Variants in TTLL5 observed in about 807,000 individuals in gnomAD.
TTLL5 encodes tubulin polyglutamylase TTLL5.
In TTLL5, 132 loss-of-function variants were observed where a neutral mutation model predicts 168.4. The observed-to-expected ratio is 0.78, with a 90% CI of 0.68 to 0.91. The LOEUF (loss-of-function observed/expected upper bound fraction) is 0.91, where lower values mean the gene tolerates loss of function less well. Among genes scored for constraint, TTLL5 ranks in the 40% least tolerant of loss-of-function variants. The pLI is 0.00. For missense variants in TTLL5, 1,545 were observed against 1,581.5 expected (o/e 0.98, Z 0.39); for synonymous variants, 546 against 558.6 (o/e 0.98, Z 0.32).
intron 28 of TTLL5, among the ~76,000 whole-genome samples, chr14:75,847,269 C>T (rs1896598080): frequency 6.6e-6 from 1 of 151,988 alleles, no homozygotes; most frequent in Non-Finnish European, 1.5e-5. Flanking sequence ...TTCCAAAGTT[C>T]TGGGATTACA....
rs1000394909 is a variant in TTLL5 at position 75,745,133 on chromosome 14, A to G, written c.1320A>G (p.Lys440=). 1 of 1,613,854 alleles carries G rather than the reference A, an allele frequency of 6.2e-7. No individual in the cohort carries two copies. Among genetic ancestry groups the G allele is most frequent in the South Asian group, 1.1e-5 (1 of 91,068 alleles). Residue 440 remains lysine, a synonymous_variant, in exon 16 of 32, where the codon AAA becomes AAG. Coordinates refer to ENST00000298832, the MANE Select transcript of TTLL5 (RefSeq NM_015072.5). ...TCTCTGCCAGTGATGCGGAAATGAA[A>G]AACCTCGTGGGCTCAGCCCGGGAGA... ...RPLSASDAEM[K]NLVGSAREKG... is the part of the protein sequence containing the mutation.
At chr14:75,779,453 A>T in intron 23 of TTLL5, 122 bp from the exon 24 acceptor site, 1 of 1,406,816 alleles carries the variant, frequency 7.1e-7, no homozygotes, top group Non-Finnish European at 9.7e-7. Flanking sequence ...TTAATAGGGA[A>T]TTTTCAGCTT....
Position 75,793,631 on chromosome 14 carries a change from G to A in TTLL5, c.3171+531G>A, listed in dbSNP as rs1892842078. 2.0e-5 allele frequency among the ~76,000 whole-genome samples: 3 copies of A among 152,164 alleles called. 1 individual carries two copies. The highest frequency in any genetic ancestry group is 2.0e-4 in the Admixed American group (3 of 15,280). ...GGAACCTGAGGCTGAAATAAGTGATGTGATCAAGGTCATTCAACAAGCTGG... is the reference window on the plus strand; with the variant it reads ...GGAACCTGAGGCTGAAATAAGTGATATGATCAAGGTCATTCAACAAGCTGG... On this transcript the variant is annotated intron_variant, in intron 27 of 31. Transcript: ENST00000298832.
At chr14:75,884,651 G>C (rs1357566278) in intron 30 of TTLL5, among the ~76,000 whole-genome samples, 1 of 152,118 alleles carries the variant, frequency 6.6e-6, no homozygotes, top group East Asian at 1.9e-4. Flanking sequence ...GTTGTTCCAG[G>C]AAATAGTTTC....
At chr14:75,723,433 T>C (rs1425079205) in intron 12 of TTLL5, among the ~76,000 whole-genome samples, 1 of 152,092 alleles carries the variant, frequency 6.6e-6, no homozygotes, top group African/African-American at 2.4e-5. Context: ...GGATGAGGGG[T>C]TGGGACTAGG....
chr14:75,707,679 A>G lies in TTLL5; in HGVS notation c.712A>G (p.Ile238Val). The change falls in exon 9 of 32, where the codon ATC becomes GTC. Residue 238 changes from isoleucine (I) to valine (V), a missense_variant. By Grantham distance (29) the Ile-to-Val change is conservative. Coordinates refer to ENST00000298832, the MANE Select transcript of TTLL5 (RefSeq NM_015072.5). Reference sequence around the variant, plus strand: ...CGTGACTTCCTATGATCCTCTTGTCATCTATCTCTATGAAGAAGGATTGGC... The same window carrying G: ...CGTGACTTCCTATGATCCTCTTGTCGTCTATCTCTATGAAGAAGGATTGGC... ...VLVTSYDPLVIYLYEEGLARF... is the reference protein window; with the variant it reads ...VLVTSYDPLVVYLYEEGLARF... The G allele has an allele frequency of 2.5e-6, 4 of 1,610,896 alleles. No homozygotes were observed. The highest frequency in any genetic ancestry group is 2.2e-5 in the South Asian group (2 of 90,962).
In TTLL5 at chr14:75,765,630, A is replaced by G. The variant is rs182722266; in HGVS notation, c.1709-432A>G. Among the ~76,000 whole-genome samples the G allele has an allele frequency of 7.4e-4, 112 of 152,282 alleles. 1 individual carries two copies. The highest frequency in any genetic ancestry group is 2.4e-3 in the African/African-American group (101 of 41,554). On this transcript the variant is annotated intron_variant, in intron 19 of 31. Coordinates refer to ENST00000298832, the MANE Select transcript of TTLL5 (RefSeq NM_015072.5). The stretch of plus-strand genomic sequence containing the variant: ...GTAATCCCAGCACTTTAGGAGGCCA[A>G]GGTGGGCGAATCGCTTGAGCCCAGG...
At chr14:75,912,236 C>T (rs1012861) in intron 31 of TTLL5, among the ~76,000 whole-genome samples, 126,819 of 152,016 alleles carry the variant, frequency 0.83, 53,006 homozygotes, top group Admixed American at 0.88. Context: ...CTCATTCATT[C>T]CTCCAGCAAA....
intron 31 of TTLL5, among the ~76,000 whole-genome samples, chr14:75,919,903 T>A (rs1469757637): frequency 6.6e-6 from 1 of 151,824 alleles, no homozygotes; most frequent in Non-Finnish European, 1.5e-5. Context: ...GGCAGATCAC[T>A]TGAGCTCAGG....
chr14:75,819,996 T>C lies in TTLL5; in HGVS notation c.3172-11T>C. The C allele has an allele frequency of 1.3e-6, 2 of 1,589,092 alleles. No individual in the cohort carries two copies. Among genetic ancestry groups the C allele is most frequent in the Non-Finnish European group, 1.7e-6 (2 of 1,170,198 alleles). On this transcript the variant is annotated splice_polypyrimidine_tract_variant and intron_variant, in intron 27 of 31. Coordinates refer to ENST00000298832, the MANE Select transcript of TTLL5 (RefSeq NM_015072.5). ...TGTAAAGTCAGGTTATTTCCCTCGC[T>C]TTATTTCTAGGTAACAAACCTGAAT...
In TTLL5 at chr14:75,663,114, CCCCGT is replaced by C. The variant is rs1267013775; in HGVS notation, c.-34_-30del. On this transcript the variant is annotated 5_prime_UTR_variant, in exon 2 of 32. The change abolishes the stop of an existing upstream ORF in the 5' untranslated region. Transcript: ENST00000298832. ...ATCTGCTAGGAAAGGTCTCTGAGGC[CCCCGT>C]CTGCTGACTGCATGACAAACCCTAA... is the stretch of plus-strand genomic sequence containing the variant. 1 of 1,602,670 alleles carries C rather than the reference CCCCGT, an allele frequency of 6.2e-7. No homozygotes were observed. The highest frequency in any genetic ancestry group is 8.5e-7 in the Non-Finnish European group (1 of 1,171,900).
intron 15 of TTLL5, chr14:75,737,620 T>C (rs1383166731): frequency 1.3e-6 from 2 of 1,534,432 alleles, no homozygotes; most frequent in Admixed American, 2.0e-5. Flanking sequence ...AAGTTCTAGA[T>C]CTTTTGGAGA....
chr14:75,841,651 A>T (rs909554417), intron 28 of TTLL5, among the ~76,000 whole-genome samples: 4 of 152,188 alleles, frequency 2.6e-5, no homozygotes, highest in Non-Finnish European at 4.4e-5. Context: ...GACAGTTTAC[A>T]TGGGGCTGTA....
intron 17 of TTLL5, 24 bp downstream of exon 17, chr14:75,745,605 T>A (rs183286153): frequency 2.5e-5 from 39 of 1,584,382 alleles, no homozygotes; most frequent in African/African-American, 2.4e-4. Flanking sequence ...CTTTTTTTTT[T>A]ATTCTTTACC....
At chr14:75,787,775 C>G (rs1189078289) in intron 26 of TTLL5, among the ~76,000 whole-genome samples, 5 of 152,176 alleles carry the variant, frequency 3.3e-5, no homozygotes, top group Non-Finnish European at 7.3e-5. Context: ...ATTGCAGAGA[C>G]TTGGTATCAC....
intron 12 of TTLL5, among the ~76,000 whole-genome samples, chr14:75,721,936 A>G (rs891818361): frequency 3.9e-5 from 6 of 152,220 alleles, no homozygotes; most frequent in African/African-American, 1.4e-4. Context: ...AGGTTGTAAT[A>G]TATTTTTTAA....
At chr14:75,738,360 A>G (rs1177559183) in intron 15 of TTLL5, among the ~76,000 whole-genome samples, 1 of 152,208 alleles carries the variant, frequency 6.6e-6, no homozygotes, top group Non-Finnish European at 1.5e-5. Flanking sequence ...AAAAAGCTCC[A>G]GTATATTTAT....
chr14:75,813,732 TTA>T (rs1491032327), intron 27 of TTLL5, among the ~76,000 whole-genome samples: 1 of 152,118 alleles, frequency 6.6e-6, no homozygotes, highest in African/African-American at 2.4e-5. Flanking sequence ...AAACACAGAC[TTA>T]TAAGCTTCTT....
At chr14:75,798,243 A>G (rs780742039) in intron 27 of TTLL5, among the ~76,000 whole-genome samples, 8 of 152,110 alleles carry the variant, frequency 5.3e-5, no homozygotes, top group Non-Finnish European at 1.2e-4. Flanking sequence ...AGGTGTTCAT[A>G]GTAGCCTTGA....
Sources: gnomAD v4.1 joint callset for allele counts (sites outside exome capture counted in the v4.1 genomes callset) on GRCh38, gnomAD v4.1.1 for gene constraint, MANE v1.5 for transcripts, NCBI Gene and HGNC (gene_info 2026-07-23, HGNC 2026-07-21) for gene names.